Variants in CATSPERT observed in about 807,000 individuals in gnomAD.
CATSPERT encodes the protein cation channel sperm-associated targeting subunit tau.
chr2:201,518,195 C>T, the CATSPERT span, among the ~76,000 whole-genome samples: 2 of 152,178 alleles, frequency 1.3e-5, no homozygotes, highest in Non-Finnish European at 2.9e-5. Context: ...GGTGCTGGGC[C>T]TCATTTTATG....
chr2:201,527,109 C>G, the CATSPERT span, among the ~76,000 whole-genome samples: 2 of 151,904 alleles, frequency 1.3e-5, no homozygotes, highest in Admixed American at 1.3e-4. Context: ...TTTCTATACA[C>G]CAATAATGTC....
chr2:201,583,633 C>A, the CATSPERT span, among the ~76,000 whole-genome samples: 1 of 152,122 alleles, frequency 6.6e-6, no homozygotes, highest in Non-Finnish European at 1.5e-5. Context: ...GTAGTGGGCT[C>A]GGTTGCCTTA....
chr2:201,524,828 AC>A, the CATSPERT span, among the ~76,000 whole-genome samples: 2 of 152,238 alleles, frequency 1.3e-5, no homozygotes, highest in Non-Finnish European at 2.9e-5. Flanking sequence ...CTTATTTCAG[AC>A]AAAACAGACT....
the CATSPERT span, among the ~76,000 whole-genome samples, chr2:201,617,647 GC>G: frequency 2.0e-5 from 3 of 152,210 alleles, no homozygotes; most frequent in Non-Finnish European, 2.9e-5. Flanking sequence ...TATAGGCATG[GC>G]CAAGGACTTC....
the CATSPERT span, among the ~76,000 whole-genome samples, chr2:201,515,832 C>G: frequency 6.6e-6 from 1 of 152,312 alleles, no homozygotes; most frequent in Middle Eastern, 3.4e-3. Context: ...AAGGACTCCT[C>G]TACATGTGGC....
chr2:201,601,939 C>G, the CATSPERT span: 1 of 1,326,758 alleles, frequency 7.5e-7, no homozygotes, highest in South Asian at 1.4e-5. Context: ...AACAATAATA[C>G]ATTATAAAAT....
the CATSPERT span, among the ~76,000 whole-genome samples, chr2:201,567,525 T>G: frequency 1.3e-5 from 2 of 152,276 alleles, no homozygotes; most frequent in South Asian, 4.1e-4. Context: ...TTCAAAGGCC[T>G]GAGAATCAGG....
the CATSPERT span, among the ~76,000 whole-genome samples, chr2:201,597,190 T>C: frequency 6.6e-6 from 1 of 152,180 alleles, no homozygotes; most frequent in Admixed American, 6.5e-5. Flanking sequence ...AAACTTGGCC[T>C]TTCTGGGATC....
chr2:201,490,533 C>T, the CATSPERT span, among the ~76,000 whole-genome samples: 2 of 152,150 alleles, frequency 1.3e-5, no homozygotes, highest in East Asian at 1.9e-4. Context: ...CTCTGACTCT[C>T]GGCTGTGTCA....
At chr2:201,580,923 C>T in the CATSPERT span, among the ~76,000 whole-genome samples, 1 of 152,102 alleles carries the variant, frequency 6.6e-6, no homozygotes, top group Non-Finnish European at 1.5e-5. Flanking sequence ...GTAAGCAGCC[C>T]AGCTAAGGAT....
At chr2:201,493,162 A>G in the CATSPERT span, 7 of 1,528,648 alleles carry the variant, frequency 4.6e-6, no homozygotes, top group Admixed American at 1.4e-4. Context: ...TGATTCACTA[A>G]GTTTATCCAT....
the CATSPERT span, among the ~76,000 whole-genome samples, chr2:201,546,117 T>C: frequency 6.6e-6 from 1 of 152,158 alleles, no homozygotes; most frequent in Non-Finnish European, 1.5e-5. Context: ...AAGTTCTTAG[T>C]CCCTTTAATA....
the CATSPERT span, chr2:201,495,982 G>T: frequency 2.0e-6 from 3 of 1,517,926 alleles, no homozygotes; most frequent in East Asian, 2.3e-5. Flanking sequence ...TATAAAAAAA[G>T]AAGTTCTAAT....
the CATSPERT span, among the ~76,000 whole-genome samples, chr2:201,594,537 T>C: frequency 2.6e-4 from 40 of 152,310 alleles, 2 homozygotes; most frequent in East Asian, 6.9e-3. Flanking sequence ...CCTTGCTAGA[T>C]TGGGGAAGTT....
chr2:201,563,428 A>C, the CATSPERT span, among the ~76,000 whole-genome samples: 12 of 42,062 alleles, frequency 2.9e-4, no homozygotes, highest in Admixed American at 3.5e-4. Flanking sequence ...TGACCCCCTC[A>C]CCTCCCTCCC....
the CATSPERT span, among the ~76,000 whole-genome samples, chr2:201,521,384 G>A: frequency 6.6e-6 from 1 of 151,952 alleles, no homozygotes; most frequent in Non-Finnish European, 1.5e-5. Context: ...CAAAAGGTGA[G>A]GAAAAGCAAG....
the CATSPERT span, among the ~76,000 whole-genome samples, chr2:201,566,667 G>A: frequency 8.5e-5 from 13 of 152,072 alleles, no homozygotes; most frequent in Non-Finnish European, 1.6e-4. Context: ...ATAAACATAC[G>A]TGTGCATGTG....
the CATSPERT span, chr2:201,601,805 C>T: frequency 1.9e-6 from 3 of 1,611,908 alleles, no homozygotes; most frequent in Non-Finnish European, 2.5e-6. Flanking sequence ...TTTTGGATAG[C>T]AAGCTACACA....
the CATSPERT span, chr2:201,495,761 G>A: frequency 2.4e-6 from 1 of 419,558 alleles, no homozygotes; most frequent in Non-Finnish European, 4.2e-6. Context: ...GTCAGAAGTG[G>A]ACCTGGGAAT....
Sources: allele counts gnomAD v4.1 joint callset (sites outside exome capture counted in the v4.1 genomes callset), GRCh38; gene constraint gnomAD v4.1.1; transcripts MANE v1.5; gene names NCBI Gene and HGNC (gene_info 2026-07-23, HGNC 2026-07-21).